The following MUC12 variants were observed in gnomAD, a reference collection of about 807,000 sequenced individuals.
The protein encoded by MUC12 is mucin-12.
A neutral mutation model predicts 230.8 loss-of-function variants in MUC12; 172 were observed. The observed-to-expected ratio is 0.75, with a 90% CI of 0.66 to 0.85. The LOEUF is 0.85. Among genes scored for constraint, MUC12 ranks in the 40% least tolerant of loss-of-function variants. MUC12 has a pLI of 0.00. For missense variants in MUC12, 3,506 were observed against 5,920.6 expected (o/e 0.59, Z 13.38); for synonymous variants, 1,259 against 2,401.9 (o/e 0.52, Z 13.91).
At position 100,991,924 on chromosome 7, in the gene MUC12, C is replaced by G. The variant is rs4729631; in HGVS notation, c.1361C>G (p.Ala454Gly). ...PDAMATTVLP[A>G]GSTPSVLVGD... ...GCAATGGCAACAACAGTCTTACCTGCCGGCTCTACACCCTCAGTTCTTGTT... is the reference window on the plus strand; with the variant it reads ...GCAATGGCAACAACAGTCTTACCTGGCGGCTCTACACCCTCAGTTCTTGTT... Residue 454 changes from alanine to glycine, a missense_variant, in exon 2 of 12, where the codon GCC (alanine) becomes GGC (glycine). Ala to Gly is a moderately conservative substitution (Grantham distance 60, BLOSUM62 0). Transcript: ENST00000536621. 1 of 1,536,492 alleles carries G rather than the reference C, an allele frequency of 6.5e-7. No homozygotes were observed. The highest frequency in any genetic ancestry group is 8.7e-7 in the Non-Finnish European group (1 of 1,146,444).
intron 1 of MUC12, among the ~76,000 whole-genome samples, chr7:100,984,820 G>A (rs1793164456): frequency 6.6e-6 from 1 of 152,136 alleles, no homozygotes; most frequent in Admixed American, 6.6e-5. Flanking sequence ...TAGCACTGAG[G>A]AGCTACCCCT....
At chr7:100,969,793 C>A in intron 1 of MUC12, 104 bp downstream of exon 1, 1 of 1,476,246 alleles carries the variant, frequency 6.8e-7, no homozygotes, top group Non-Finnish European at 9.1e-7. Flanking sequence ...CTCCCCTTTG[C>A]ATGGCAAGGG....
intron 1 of MUC12, among the ~76,000 whole-genome samples, chr7:100,987,561 A>C (rs541836863): frequency 2.0e-4 from 31 of 152,304 alleles, no homozygotes; most frequent in Non-Finnish European, 3.4e-4. Flanking sequence ...CCAGTGTTGC[A>C]GGAGGGGCCT....
At chr7:100,986,962 G>A (rs951024504) in intron 1 of MUC12, among the ~76,000 whole-genome samples, 21 of 151,586 alleles carry the variant, frequency 1.4e-4, no homozygotes, top group African/African-American at 2.9e-4. Flanking sequence ...TTATATGTCC[G>A]TCTTACATAG....
chr7:100,990,447 T>C, intron 1 of MUC12, 184 bp from the exon 2 acceptor site: 1 of 704,634 alleles, frequency 1.4e-6, no homozygotes, highest in East Asian at 2.7e-5. Context: ...ACACCATCAA[T>C]AAAATTTCTT....
At chr7:100,969,868 C>T (rs1230210130) in intron 1 of MUC12, among the ~76,000 whole-genome samples, 179 bp downstream of exon 1, 1 of 152,304 alleles carries the variant, frequency 6.6e-6, no homozygotes, top group Non-Finnish European at 1.5e-5. Flanking sequence ...GAAGAGGTCA[C>T]TGTGGAGACC....
In MUC12 at chr7:100,994,591, G is replaced by T. The variant is rs559588489; in HGVS notation, c.4028G>T (p.Ser1343Ile). ...GSTHTTAFPD[S>I]TTTSDLSQEP... ...ACGCACACAACAGCATTCCCTGACA[G>T]CACCACCACCTCAGACCTCAGTCAG... The change falls in exon 2 of 12, where the codon AGC becomes ATC. Residue 1343 changes from serine (S) to isoleucine (I), a missense_variant. Transcript: ENST00000536621. 2 of 962,106 alleles carry T rather than the reference G, an allele frequency of 2.1e-6. 1 individual carries two copies. Among genetic ancestry groups the T allele is most frequent in the Non-Finnish European group, 2.8e-6 (2 of 715,264 alleles). The allele number at this position is 962,106 out of a possible 1,614,324, so 59.6% of individuals were successfully genotyped here.
At position 100,991,979 on chromosome 7, in the gene MUC12, A is replaced by G. The variant is rs1426588031; in HGVS notation, c.1416A>G (p.Ser472=). ...VGDSTPSPIS[S]GSMETTALPG... is the part of the protein sequence containing the mutation. ...ACTCGACGCCCTCACCCATCAGTTC[A>G]GGCTCAATGGAAACCACAGCGTTAC... Residue 472 remains serine (S), a synonymous_variant, in exon 2 of 12, where the codon TCA becomes TCG. Coordinates refer to ENST00000536621, the MANE Select transcript of MUC12 (RefSeq NM_001164462.2). The G allele has an allele frequency of 6.5e-7, 1 of 1,538,006 alleles. No homozygotes were observed. The highest frequency in any genetic ancestry group is 8.7e-7 in the Non-Finnish European group (1 of 1,147,082).
chr7:101,005,155 G>T lies in MUC12; in HGVS notation c.14592G>T (p.Ala4864=). 6.5e-7 allele frequency: 1 copy of T among 1,537,906 alleles called. No individual in the cohort carries two copies. Among genetic ancestry groups the T allele is most frequent in the Non-Finnish European group, 8.7e-7 (1 of 1,147,070 alleles). ...YSSPGSTETT[A]FSHSNTMSIH... is the part of the protein sequence containing the mutation. Reference sequence around the variant, plus strand: ...GCCCAGGCTCAACTGAAACCACAGCGTTTTCTCACAGCAACACAATGTCCA... The same window carrying T: ...GCCCAGGCTCAACTGAAACCACAGCTTTTTCTCACAGCAACACAATGTCCA... Residue 4864 remains alanine, a synonymous_variant, in exon 2 of 12, where the codon GCG becomes GCT. Transcript: ENST00000536621.
chr7:101,015,964 C>T (rs967890807), intron 10 of MUC12, among the ~76,000 whole-genome samples: 1 of 152,122 alleles, frequency 6.6e-6, no homozygotes, highest in African/African-American at 2.4e-5. Context: ...GGTGATAGGG[C>T]CATTCCCAGG....
intron 1 of MUC12, among the ~76,000 whole-genome samples, chr7:100,975,844 AATC>A (rs1793021360): frequency 6.6e-6 from 1 of 152,310 alleles, no homozygotes; most frequent in Non-Finnish European, 1.5e-5. Context: ...GGATATTGGT[AATC>A]AGATTCCCTC....
At position 101,004,448 on chromosome 7, in the gene MUC12, G is replaced by A; in HGVS notation, c.13885G>A (p.Glu4629Lys). Residue 4629 changes from glutamate to lysine, a missense_variant, in exon 2 of 12, where the codon GAA becomes AAA. Coordinates refer to ENST00000536621, the MANE Select transcript of MUC12 (RefSeq NM_001164462.2). ...CTCCACAGCTTCAGGTCGTAGTGAA[G>A]AATCAAGAACTTCCCACAGCAGCAC... The part of the protein sequence containing the change: ...ESSTASGRSE[E>K]SRTSHSSTTH... The A allele has an allele frequency of 6.6e-7, 1 of 1,525,056 alleles. No individual in the cohort carries two copies. The highest frequency in any genetic ancestry group is 8.7e-7 in the Non-Finnish European group (1 of 1,143,628). The allele number at this position is 1,525,056 out of a possible 1,614,324, so 94.5% of individuals were successfully genotyped here.
At position 101,003,196 on chromosome 7, in the gene MUC12, C is replaced by T. The variant is rs372791482; in HGVS notation, c.12633C>T (p.Gly4211=). 62 of 1,040,318 alleles carry T rather than the reference C, an allele frequency of 6.0e-5. 12 individuals carry two copies. The Middle Eastern group carries it at 2.0e-3, about 34-fold the overall frequency. The allele number at this position is 1,040,318 out of a possible 1,614,324, so 64.4% of individuals were successfully genotyped here. The part of the protein sequence containing the change: ...TLSPASTTSS[G]VSEESTTSHS... Reference sequence around the variant, plus strand: ...CACCTGCCAGCACGACAAGCTCAGGCGTCAGTGAAGAATCCACCACCTCCC... The same window carrying T: ...CACCTGCCAGCACGACAAGCTCAGGTGTCAGTGAAGAATCCACCACCTCCC... The change falls in exon 2 of 12, where the codon GGC becomes GGT. Residue 4211 remains glycine, a synonymous_variant. Coordinates refer to ENST00000536621, the MANE Select transcript of MUC12 (RefSeq NM_001164462.2).
At chr7:101,008,007 T>C (rs976335807) in intron 3 of MUC12, among the ~76,000 whole-genome samples, 2 of 150,360 alleles carry the variant, frequency 1.3e-5, no homozygotes, top group African/African-American at 4.9e-5. Context: ...GGTTTCACCG[T>C]GTTAGCCAGG....
rs763169503 is a variant in MUC12, at chr7:101,004,327, C to T, written c.13764C>T (p.Pro4588=). 1.7e-4 allele frequency: 212 copies of T among 1,217,148 alleles called. 1 individual carries two copies. In the East Asian group the frequency reaches 5.8e-3, roughly 33 times the overall value. 75.4% of individuals were successfully genotyped at this position (1,217,148 alleles called of 1,614,324 possible). ...GCCCAGTTGCAACTGCAACAACACCCTCGCCTGCCCGCTCCACAACCTCAG... is the reference window on the plus strand; with the variant it reads ...GCCCAGTTGCAACTGCAACAACACCTTCGCCTGCCCGCTCCACAACCTCAG... The part of the protein sequence containing the change: ...HSSPVATATT[P]SPARSTTSGL... Residue 4588 remains proline (P), a synonymous_variant, in exon 2 of 12, where the codon CCC becomes CCT. Transcript: ENST00000536621.
intron 6 of MUC12, 117 bp downstream of exon 6, chr7:101,012,564 C>A (rs1448717799): frequency 8.0e-6 from 10 of 1,243,296 alleles, no homozygotes; most frequent in Non-Finnish European, 1.1e-5. Context: ...CCACAGGAAC[C>A]CAGAAGCCAG....
Position 101,008,863 on chromosome 7 carries a change from GC to G in MUC12, c.15186+107del, listed in dbSNP as rs1793797919. ...GTGATCTGAGTTCTTCTGCTCATGA[GC>G]CCCCTCCCTACCAGTCTCCCTAAGT... On this transcript the variant is annotated intron_variant, in intron 4 of 11. Coordinates refer to ENST00000536621, the MANE Select transcript of MUC12 (RefSeq NM_001164462.2). The G allele has an allele frequency of 2.8e-6, 4 of 1,412,318 alleles. No individual in the cohort carries two copies. The East Asian group carries it at 1.0e-4, about 35-fold the overall frequency. The allele number at this position is 1,412,318 out of a possible 1,614,324, so 87.5% of individuals were successfully genotyped here. A position where few individuals can be genotyped will look rare whatever the true frequency, so the allele number is the denominator to read the frequency against.
chr7:100,989,410 G>A (rs906250961), intron 1 of MUC12, among the ~76,000 whole-genome samples: 5 of 151,318 alleles, frequency 3.3e-5, no homozygotes, highest in African/African-American at 9.7e-5. Context: ...CCTGGCCTTG[G>A]GTATGTTTTT....
chr7:100,992,579 C>A lies in MUC12; in HGVS notation c.2016C>A (p.His672Gln), dbSNP rs539963778. The change falls in exon 2 of 12, where the codon CAC (histidine) becomes CAA (glutamine). Residue 672 changes from histidine to glutamine, a missense_variant. Coordinates refer to ENST00000536621, the MANE Select transcript of MUC12 (RefSeq NM_001164462.2). ...HGSPSSIPTT[H>Q]ISARSTTSGL... ...GCCCGAGCTCAATTCCAACAACCCA[C>A]ATTTCTGCCCGCTCCACAACCTCAG... The A allele has an allele frequency of 6.5e-7, 1 of 1,537,924 alleles. No individual in the cohort carries two copies. The highest frequency in any genetic ancestry group is 1.4e-5 in the African/African-American group (1 of 73,172).
Sources: gnomAD v4.1 joint callset for allele counts (sites outside exome capture counted in the v4.1 genomes callset) on GRCh38, gnomAD v4.1.1 for gene constraint, MANE v1.5 for transcripts, NCBI Gene and HGNC (gene_info 2026-07-23, HGNC 2026-07-21) for gene names.